The following GSE1 variants were observed in gnomAD, a reference collection of about 807,000 sequenced individuals.
GSE1 encodes Gse1 coiled-coil protein.
Under a neutral mutation model 112.6 loss-of-function variants are expected in GSE1, and 32 were observed. The observed-to-expected ratio is 0.28, with a 90% CI of 0.21 to 0.38. The LOEUF is 0.38. GSE1 is among the 10% of genes least tolerant of loss of function. The pLI, the probability that GSE1 is intolerant of heterozygous loss-of-function variation, is 1.00. For missense variants in GSE1, 2,348 were observed against 1,699.2 expected (o/e 1.38, Z -6.71); for synonymous variants, 1,115 against 735.6 (o/e 1.52, Z -8.35).
intron 2 of GSE1, among the ~76,000 whole-genome samples, chr16:85,374,247 G>C (rs990675533): frequency 6.6e-5 from 10 of 150,564 alleles, no homozygotes; most frequent in Non-Finnish European, 1.5e-4. Context: ...GTGCATGGTC[G>C]TGCGTGGTCC....
At chr16:85,516,346 G>A (rs1327700034) in intron 2 of GSE1, among the ~76,000 whole-genome samples, 3 of 151,878 alleles carry the variant, frequency 2.0e-5, no homozygotes, top group Non-Finnish European at 1.5e-5. Flanking sequence ...TCAAGGGGGC[G>A]GTGGGCGGGA....
intron 1 of GSE1, among the ~76,000 whole-genome samples, chr16:85,580,618 T>C (rs7500437): frequency 1 from 152,383 of 152,388 alleles, 76,189 homozygotes; most frequent in Middle Eastern, 1. Context: ...GTTGGTATCC[T>C]TGTCACAGGC....
At position 85,559,437 on chromosome 16, in the gene GSE1, G is replaced by GC. The variant is rs144588566; in HGVS notation, c.37+3078dup. Among the ~76,000 whole-genome samples, 456 of 152,360 alleles carry GC rather than the reference G, an allele frequency of 3.0e-3. 1 individual carries two copies. Among genetic ancestry groups the GC allele is most frequent in the African/African-American group, 0.01 (429 of 41,588 alleles). ...TGGTTCTGGATGAGAGGCTGACCCT[G>GC]CCCCACAGAGGCCTGACACCATGGT... On this transcript the variant is annotated intron_variant, in intron 1 of 2. Coordinates refer to the GSE1 transcript ENST00000635906.
At chr16:85,436,574 G>A (rs2049251078) in intron 2 of GSE1, among the ~76,000 whole-genome samples, 1 of 152,184 alleles carries the variant, frequency 6.6e-6, no homozygotes, top group Admixed American at 6.5e-5. Flanking sequence ...AGTGAAACTC[G>A]GCCCAGAGTG....
At chr16:85,213,633 G>T (rs2075263251) in intron 1 of GSE1, among the ~76,000 whole-genome samples, 1 of 152,250 alleles carries the variant, frequency 6.6e-6, no homozygotes. Flanking sequence ...GCCCGTGTGT[G>T]ATAGTCAGCA....
intron 1 of GSE1, among the ~76,000 whole-genome samples, chr16:85,333,563 CT>C (rs2046420559): frequency 6.6e-6 from 1 of 152,258 alleles, no homozygotes; most frequent in South Asian, 2.1e-4. Flanking sequence ...CAGAAGCTGG[CT>C]CCGCCTCTTT....
At chr16:85,651,820 C>A (rs76426882) in intron 3 of GSE1, among the ~76,000 whole-genome samples, 2 of 152,322 alleles carry the variant, frequency 1.3e-5, no homozygotes, top group African/African-American at 4.8e-5. Flanking sequence ...GGCGAGGCCC[C>A]TGTTCTGGGC....
intron 1 of GSE1, among the ~76,000 whole-genome samples, chr16:85,346,393 T>C (rs1297806043): frequency 2.8e-5 from 4 of 143,760 alleles, no homozygotes; most frequent in African/African-American, 1.0e-4. Flanking sequence ...GGATGATGGA[T>C]GGATGGATGA....
intron 1 of GSE1, among the ~76,000 whole-genome samples, chr16:85,321,676 G>A (rs868786153): frequency 6.6e-6 from 1 of 151,744 alleles, no homozygotes; most frequent in African/African-American, 2.4e-5. Flanking sequence ...GTAACTGGGT[G>A]TGGTGGTGTG....
intron 15 of GSE1, chr16:85,671,842 T>G (rs1281880863): frequency 6.3e-6 from 1 of 157,926 alleles, no homozygotes; most frequent in Non-Finnish European, 1.4e-5. Flanking sequence ...GTTCAGCAGA[T>G]GTCCTTGGGG....
chr16:85,527,289 C>T (rs1484308120), intron 2 of GSE1, among the ~76,000 whole-genome samples: 1 of 152,222 alleles, frequency 6.6e-6, no homozygotes, highest in Non-Finnish European at 1.5e-5. Flanking sequence ...TAAAGGGCGT[C>T]ATGTGAGGCG....
chr16:85,289,296 C>T (rs1344696227), intron 1 of GSE1, among the ~76,000 whole-genome samples: 2 of 152,116 alleles, frequency 1.3e-5, no homozygotes, highest in Non-Finnish European at 2.9e-5. Context: ...GGTTTTTTCC[C>T]AGGCCCGAGA....
At chr16:85,556,700 C>T (rs2045234544) in intron 1 of GSE1, among the ~76,000 whole-genome samples, 1 of 148,696 alleles carries the variant, frequency 6.7e-6, no homozygotes, top group Non-Finnish European at 1.5e-5. Context: ...GTGAAGTAAG[C>T]GCCGAGTGTG....
chr16:85,459,216 C>T (rs938533109), intron 2 of GSE1, among the ~76,000 whole-genome samples: 2 of 152,226 alleles, frequency 1.3e-5, no homozygotes, highest in Non-Finnish European at 1.5e-5. Context: ...CAATTGCAAA[C>T]GCCACCCCCA....
chr16:85,661,757 A>T lies in GSE1; in HGVS notation c.2252A>T (p.Gln751Leu). The change falls in exon 9 of 16, where the codon CAG becomes CTG. Residue 751 changes from glutamine (Q) to leucine (L), a missense_variant. Physicochemically the swap from Gln to Leu is moderately radical, Grantham distance 113. Coordinates refer to ENST00000253458, the MANE Select transcript of GSE1 (RefSeq NM_014615.5). Reference sequence around the variant, plus strand: ...GAGGAGCGCAGGCGGCGGGAGGCCCAGGAGAAAGGTCTGCCTCCCCGCGGG... The same window carrying T: ...GAGGAGCGCAGGCGGCGGGAGGCCCTGGAGAAAGGTCTGCCTCCCCGCGGG... ...DLEERRRREA[Q>L]EKGYYYDLDD... 4 of 1,526,216 alleles carry T rather than the reference A, an allele frequency of 2.6e-6. No homozygotes were observed. Among genetic ancestry groups the T allele is most frequent in the Non-Finnish European group, 2.6e-6 (3 of 1,133,188 alleles). 94.5% of individuals were successfully genotyped at this position (1,526,216 alleles called of 1,614,324 possible).
At chr16:85,592,077 G>T (rs1187460220) in intron 1 of GSE1, among the ~76,000 whole-genome samples, 2 of 152,178 alleles carry the variant, frequency 1.3e-5, no homozygotes, top group African/African-American at 4.8e-5. Context: ...TCAGTACAGA[G>T]CTAGTGGGAA....
At chr16:85,510,420 C>CTGTGTGTGTGTG (rs964109424) in intron 2 of GSE1, among the ~76,000 whole-genome samples, 2 of 148,880 alleles carry the variant, frequency 1.3e-5, no homozygotes, top group Admixed American at 6.6e-5. Flanking sequence ...GTGTGTGTGT[C>CTGTGTGTGTGTG]TGTGTGTGTG....
At chr16:85,418,633 A>G (rs559685557) in intron 2 of GSE1, among the ~76,000 whole-genome samples, 3 of 152,328 alleles carry the variant, frequency 2.0e-5, no homozygotes, top group Admixed American at 6.5e-5. Flanking sequence ...CGTTGGGGAC[A>G]GGCACCATCA....
intron 2 of GSE1, among the ~76,000 whole-genome samples, chr16:85,506,703 A>G (rs1205791484): frequency 6.6e-6 from 1 of 152,118 alleles, no homozygotes; most frequent in Non-Finnish European, 1.5e-5. Flanking sequence ...TAATCATAAC[A>G]ACTGCTAACG....
Sources: gnomAD v4.1 joint callset for allele counts (sites outside exome capture counted in the v4.1 genomes callset) on GRCh38, gnomAD v4.1.1 for gene constraint, MANE v1.5 for transcripts, NCBI Gene and HGNC (gene_info 2026-07-23, HGNC 2026-07-21) for gene names.